FAM228B: variants seen among roughly 807,000 people sequenced by gnomAD.
The protein encoded by FAM228B is family with sequence similarity 228 member B.
In FAM228B, 38 loss-of-function variants were observed where a neutral mutation model predicts 42.6. That is an observed-to-expected ratio of 0.89 (90% CI 0.69 to 1.17). The LOEUF (loss-of-function observed/expected upper bound fraction) is 1.17. Among genes scored for constraint, FAM228B ranks in the 50% most tolerant of loss-of-function variants. The pLI is 0.00. For synonymous variants in FAM228B, 109 were observed against 122.3 expected, an observed-to-expected ratio of 0.89 and a Z score of 0.72; for missense variants, 344 against 367.3, an observed-to-expected ratio of 0.94 and a Z score of 0.52.
chr2:24,144,107 TA>T (rs1666832538), intron 5 of FAM228B, among the ~76,000 whole-genome samples: 1 of 152,186 alleles, frequency 6.6e-6, no homozygotes, highest in Non-Finnish European at 1.5e-5. Context: ...TAATTGTCGA[TA>T]AAACTTTAGA....
chr2:24,129,786 T>A (rs926377303), intron 2 of FAM228B, among the ~76,000 whole-genome samples: 2 of 152,196 alleles, frequency 1.3e-5, no homozygotes, highest in African/African-American at 4.8e-5. Context: ...CAGATTTTCA[T>A]GTCAATATAA....
Position 24,084,291 on chromosome 2 carries a change from C to A in FAM228B, c.-210+3336C>A. The A allele has an allele frequency of 1.2e-6, 2 of 1,614,042 alleles. No individual in the cohort carries two copies. Among genetic ancestry groups the A allele is most frequent in the Non-Finnish European group, 1.7e-6 (2 of 1,179,988 alleles). ...CCACCTCCTTCACGTAGAGGTTTTC[C>A]GGTCCTCCCGGCTTGTCAAAGTGCA... On this transcript the variant is annotated intron_variant, in intron 2 of 10. Coordinates refer to the FAM228B transcript ENST00000613899. This position sits in a 1 kb window ranked among gnomAD's most constrained non-coding sequence, Gnocchi z 8.4.
At chr2:24,126,672 G>A (rs1302675958) in intron 2 of FAM228B, among the ~76,000 whole-genome samples, 4 of 150,658 alleles carry the variant, frequency 2.7e-5, no homozygotes, top group African/African-American at 9.8e-5. Context: ...ACGCAGTGGC[G>A]TGATCTCAGC....
At position 24,124,406 on chromosome 2, in the gene FAM228B, C is replaced by G. The variant is rs761318595; in HGVS notation, c.45C>G (p.Pro15=). The G allele has an allele frequency of 1.2e-5, 18 of 1,551,878 alleles. No homozygotes were observed. Among genetic ancestry groups the G allele is most frequent in the Non-Finnish European group, 1.5e-5 (17 of 1,147,038 alleles). Residue 15 remains proline (P), a synonymous_variant, in exon 2 of 11, where the codon CCC becomes CCG. Transcript: ENST00000615575. ...DSDDLVTGTL[P]KLKSSKEWLE... Reference sequence around the variant, plus strand: ...ATGATCTGGTAACTGGCACACTTCCCAAGCTCAAGAGCTCAAAAGAATGGT... The same window carrying G: ...ATGATCTGGTAACTGGCACACTTCCGAAGCTCAAGAGCTCAAAAGAATGGT...
At chr2:24,079,350 G>A (rs1002359869) in intron 1 of FAM228B, 53 of 1,376,768 alleles carry the variant, frequency 3.8e-5, no homozygotes, top group East Asian at 3.0e-4. Context: ...ACTAACCTCC[G>A]TAATCTAAGG....
At position 24,144,987 on chromosome 2, in the gene FAM228B, C is replaced by T. The variant is rs1573773563; in HGVS notation, c.442-1761C>T. Among the ~76,000 whole-genome samples the T allele has an allele frequency of 2.0e-5, 3 of 152,336 alleles. No individual in the cohort carries two copies. In the South Asian group the frequency reaches 6.2e-4, roughly 32 times the overall value. Reference sequence around the variant, plus strand: ...CCAACTGGTGGTCTGGAGACTGGCCCACCCAGCCTGTTGTAGCCACTGCCA... The same window carrying T: ...CCAACTGGTGGTCTGGAGACTGGCCTACCCAGCCTGTTGTAGCCACTGCCA... On this transcript the variant is annotated intron_variant, in intron 5 of 10. Transcript: ENST00000615575.
intron 5 of FAM228B, among the ~76,000 whole-genome samples, chr2:24,146,331 TC>T (rs1248613054): frequency 3.9e-5 from 6 of 152,214 alleles, no homozygotes. Flanking sequence ...TCACAAATGA[TC>T]TATATTTTGA....
At chr2:24,146,706 C>T (rs1194351108) in intron 5 of FAM228B, 42 bp from the exon 6 acceptor site, 3 of 1,387,994 alleles carry the variant, frequency 2.2e-6, no homozygotes, top group Non-Finnish European at 3.0e-6. Flanking sequence ...GTTTACTACT[C>T]AGACTTGCAA....
chr2:24,124,256 A>G, intron 1 of FAM228B, 74 bp from the exon 2 acceptor site: 1 of 742,340 alleles, frequency 1.3e-6, no homozygotes, highest in Non-Finnish European at 2.2e-6. Flanking sequence ...GTGTGCAAGG[A>G]CACAGGTGGT....
intron 3 of FAM228B, among the ~76,000 whole-genome samples, chr2:24,098,387 C>T (rs1190878697): frequency 2.6e-5 from 4 of 151,866 alleles, no homozygotes; most frequent in Non-Finnish European, 4.4e-5. Context: ...AGACTGCTAG[C>T]AAGACTAATA....
rs1665172555 is a variant in FAM228B, at chr2:24,084,463, C to T, written c.-210+3508C>T. The T allele has an allele frequency of 8.8e-7, 1 of 1,136,592 alleles. No homozygotes were observed. The highest frequency in any genetic ancestry group is 3.6e-5 in the Admixed American group (1 of 27,594). The allele number at this position is 1,136,592 out of a possible 1,614,324, so 70.4% of individuals were successfully genotyped here. On this transcript the variant is annotated intron_variant, in intron 2 of 10. Coordinates refer to the FAM228B transcript ENST00000613899. The surrounding 1 kb of genome is among the most constrained non-coding windows in gnomAD (Gnocchi z 8.4). ...GAGCAGCCCAGCCTCAGGCTGGCACCGCAGCGCCCCCTGCCGGCCAGCGCC... is the reference window on the plus strand; with the variant it reads ...GAGCAGCCCAGCCTCAGGCTGGCACTGCAGCGCCCCCTGCCGGCCAGCGCC...
upstream of FAM228B, among the ~76,000 whole-genome samples, chr2:24,121,525 C>G (rs1666118010): frequency 6.6e-6 from 1 of 152,140 alleles, no homozygotes; most frequent in Admixed American, 6.5e-5. Flanking sequence ...GGAACACAGT[C>G]ACATTCATTC....
chr2:24,148,610 G>A (rs541618058), intron 7 of FAM228B, among the ~76,000 whole-genome samples: 1 of 152,026 alleles, frequency 6.6e-6, no homozygotes, highest in East Asian at 1.9e-4. Context: ...CATAGTAGGT[G>A]TATATATTTA....
intron 7 of FAM228B, among the ~76,000 whole-genome samples, chr2:24,159,508 C>T (rs1448357850): frequency 1.3e-5 from 2 of 152,190 alleles, no homozygotes; most frequent in Admixed American, 1.3e-4. Flanking sequence ...ATTTAAATCA[C>T]TCAATGCTTT....
upstream of FAM228B, chr2:24,122,770 C>G: frequency 2.7e-6 from 1 of 372,734 alleles, no homozygotes; most frequent in Non-Finnish European, 4.8e-6. Context: ...GGTTATGAAG[C>G]TGAGTTTGGA....
In FAM228B at chr2:24,080,901, T is replaced by C. The variant is rs751366942; in HGVS notation, c.-264T>C. ...CAGCTGCTCCAAGCTTTTCTGCCAT[T>C]TGAAGCTTCTTCTGGGAGCCAGCTG... On this transcript the variant is annotated 5_prime_UTR_variant, in exon 2 of 11. Coordinates refer to the FAM228B transcript ENST00000613899. The surrounding 1 kb of genome is among the most constrained non-coding windows in gnomAD (Gnocchi z 4.7). The C allele has an allele frequency of 2.5e-5, 40 of 1,614,106 alleles. No homozygotes were observed. The highest frequency in any genetic ancestry group is 3.3e-5 in the Non-Finnish European group (39 of 1,180,042).
intron 8 of FAM228B, 112 bp downstream of exon 8, chr2:24,161,725 C>G: frequency 1.4e-6 from 1 of 702,574 alleles, no homozygotes; most frequent in Non-Finnish European, 2.5e-6. Flanking sequence ...ACACACAAAG[C>G]TCCATTGTGG....
chr2:24,082,185 A>T (rs1211147848), intron 2 of FAM228B, among the ~76,000 whole-genome samples: 1 of 152,142 alleles, frequency 6.6e-6, no homozygotes, highest in Admixed American at 6.6e-5. Context: ...TTGTAGAAAC[A>T]GGGTTTCGCC....
At chr2:24,083,513 G>A (rs914642586) in intron 2 of FAM228B, among the ~76,000 whole-genome samples, 1 of 152,166 alleles carries the variant, frequency 6.6e-6, no homozygotes, top group Admixed American at 6.5e-5. Context: ...ACTCACCCCA[G>A]TCCTCAGAAG....
Sources: allele counts gnomAD v4.1 joint callset (sites outside exome capture counted in the v4.1 genomes callset), GRCh38; gene constraint gnomAD v4.1.1; non-coding constraint Gnocchi (gnomAD v3.1); transcripts MANE v1.5; gene names NCBI Gene and HGNC (gene_info 2026-07-23, HGNC 2026-07-21).